The following CDIN1 variants were observed in gnomAD, a reference collection of about 807,000 sequenced individuals.
CDIN1 encodes the protein CDAN1 interacting nuclease 1, also known as CDAN1-interacting nuclease 1.
CDIN1 carries 33 observed loss-of-function variants against 45.3 expected under a neutral mutation model. The observed-to-expected ratio is 0.73, with a 90% confidence interval of 0.55 to 0.97. CDIN1 has a LOEUF of 0.97. Ranked by LOEUF, CDIN1 falls within the 50% of genes least tolerant of loss-of-function variation. CDIN1 has a pLI of 0.00. For synonymous variants in CDIN1, 118 were observed against 124.4 expected (o/e 0.95, Z 0.34); for missense variants, 303 against 339.4 (o/e 0.89, Z 0.84).
intron 5 of CDIN1, among the ~76,000 whole-genome samples, chr15:36,677,931 G>A (rs1409389459): frequency 2.6e-5 from 4 of 152,124 alleles, no homozygotes; most frequent in Non-Finnish European, 5.9e-5. Context: ...GGCATATAGC[G>A]GCTATAAGGC....
intron 1 of CDIN1, among the ~76,000 whole-genome samples, chr15:36,601,339 CCATTTTCTTTT>C (rs2038090505): frequency 6.6e-6 from 1 of 152,150 alleles, no homozygotes; most frequent in South Asian, 2.1e-4. Flanking sequence ...TTTCTATACC[CCATTTTCTTTT>C]CGTAGTCTTA....
chr15:36,765,809 A>C (rs1169343133), intron 10 of CDIN1, among the ~76,000 whole-genome samples: 1 of 152,200 alleles, frequency 6.6e-6, no homozygotes, highest in Non-Finnish European at 1.5e-5. Context: ...TCATGAAACC[A>C]TTGCTATAAT....
intron 10 of CDIN1, among the ~76,000 whole-genome samples, chr15:36,763,444 G>A (rs191452062): frequency 6.6e-6 from 1 of 152,186 alleles, no homozygotes; most frequent in East Asian, 1.9e-4. Flanking sequence ...GACTTTCTAG[G>A]ACAGCTGTGC....
chr15:36,800,646 A>AATT (rs1802856935), intron 10 of CDIN1, among the ~76,000 whole-genome samples: 1 of 151,788 alleles, frequency 6.6e-6, no homozygotes. Flanking sequence ...ATTTTAAAAC[A>AATT]ATTACAAGAT....
At chr15:36,601,456 T>C (rs1390111641) in intron 1 of CDIN1, among the ~76,000 whole-genome samples, 1 of 152,184 alleles carries the variant, frequency 6.6e-6, no homozygotes, top group Non-Finnish European at 1.5e-5. Context: ...GGCATGGATA[T>C]TTTTGCAAAA....
At chr15:36,680,601 T>C (rs1004628158) in intron 5 of CDIN1, among the ~76,000 whole-genome samples, 20 of 152,106 alleles carry the variant, frequency 1.3e-4, no homozygotes, top group African/African-American at 4.8e-4. Flanking sequence ...TAACTTCAGA[T>C]ATAGACACGA....
chr15:36,702,197 G>A lies in CDIN1; in HGVS notation c.544+4807G>A, dbSNP rs2042670682. ...CCATTTAAATTCTTGTCTATCCGAA[G>A]GTTAAAAATATGATGCTGTTTTTAG... On this transcript the variant is annotated intron_variant, in intron 8 of 10. Coordinates refer to ENST00000566621, the MANE Select transcript of CDIN1 (RefSeq NM_001321759.2). 15 of 696,700 alleles carry A rather than the reference G, an allele frequency of 2.2e-5. No individual in the cohort carries two copies. The South Asian group carries it at 2.3e-4, about 10-fold the overall frequency. The allele number at this position is 696,700 out of a possible 1,614,324, so 43.2% of individuals were successfully genotyped here.
In CDIN1 at chr15:36,659,966, CTTTTTTTT is replaced by C. The variant is rs778988517; in HGVS notation, c.346+2072_346+2079del. Among the ~76,000 whole-genome samples, 7 of 105,130 alleles carry C rather than the reference CTTTTTTTT, an allele frequency of 6.7e-5. No individual in the cohort carries two copies. The East Asian group carries it at 2.1e-3, about 31-fold the overall frequency. 69.0% of individuals were successfully genotyped at this position (105,130 alleles called of 152,430 possible). On this transcript the variant is annotated intron_variant, in intron 5 of 10. Coordinates refer to ENST00000566621, the MANE Select transcript of CDIN1 (RefSeq NM_001321759.2). ...TCATTCTCTCTTTTTCCTTCCTTTT[CTTTTTTTT>C]TTTTTTTTTTCTTAAAGAACTTTAA...
chr15:36,588,610 G>T (rs1451332006), intron 1 of CDIN1, among the ~76,000 whole-genome samples: 2 of 152,090 alleles, frequency 1.3e-5, no homozygotes, highest in Non-Finnish European at 2.9e-5. Context: ...ATTGGACTAG[G>T]TAGGAATGTC....
chr15:36,598,811 T>G (rs543884842), intron 1 of CDIN1, among the ~76,000 whole-genome samples: 15 of 152,254 alleles, frequency 9.9e-5, no homozygotes, highest in South Asian at 4.1e-4. Context: ...TAGTGAGTTT[T>G]TTTGTTTGTT....
intron 5 of CDIN1, among the ~76,000 whole-genome samples, chr15:36,662,597 T>C (rs1245588984): frequency 6.6e-6 from 1 of 152,178 alleles, no homozygotes; most frequent in Admixed American, 6.5e-5. Flanking sequence ...CTGATTAGAC[T>C]TTGAGTGGTC....
intron 5 of CDIN1, among the ~76,000 whole-genome samples, chr15:36,676,412 C>T (rs1336847450): frequency 1.3e-5 from 2 of 152,136 alleles, no homozygotes; most frequent in Non-Finnish European, 2.9e-5. Context: ...GTTGTATGGG[C>T]CTTTGCCAGC....
At chr15:36,711,692 G>A (rs10468086) in intron 10 of CDIN1, among the ~76,000 whole-genome samples, 6,258 of 152,150 alleles carry the variant, frequency 0.041, 457 homozygotes, top group African/African-American at 0.14. Flanking sequence ...TTCATTTAGG[G>A]CATGATGTGT....
At chr15:36,594,821 T>G in intron 1 of CDIN1, 1 of 923,122 alleles carries the variant, frequency 1.1e-6, no homozygotes, top group Non-Finnish European at 1.3e-6. Context: ...ACTTAAAATT[T>G]TTTTTTTTTA....
intron 8 of CDIN1, among the ~76,000 whole-genome samples, chr15:36,698,715 T>G (rs972976610): frequency 6.6e-6 from 1 of 152,170 alleles, no homozygotes; most frequent in Admixed American, 6.5e-5. Context: ...AGCCACCAAC[T>G]AAGCAGCATC....
intron 5 of CDIN1, among the ~76,000 whole-genome samples, chr15:36,686,562 TAAAAAAA>T (rs1259228473): frequency 1.1e-5 from 1 of 94,600 alleles, no homozygotes; most frequent in East Asian, 2.8e-4. Context: ...AGTATAATAA[TAAAAAAA>T]AAAAAAAAGA....
intron 1 of CDIN1, among the ~76,000 whole-genome samples, chr15:36,604,456 C>CACACACAT (rs1241807342): frequency 1.3e-5 from 2 of 151,208 alleles, no homozygotes; most frequent in Non-Finnish European, 3.0e-5. Flanking sequence ...CACACACACA[C>CACACACAT]ATTTTAGAGT....
chr15:36,715,591 C>A (rs143066156), intron 10 of CDIN1, among the ~76,000 whole-genome samples: 1 of 152,174 alleles, frequency 6.6e-6, no homozygotes. Context: ...CTCTTGCAAA[C>A]CTTTAATTAC....
At chr15:36,744,901 A>T (rs77649688) in intron 10 of CDIN1, among the ~76,000 whole-genome samples, 1 of 152,194 alleles carries the variant, frequency 6.6e-6, no homozygotes, top group Non-Finnish European at 1.5e-5. Flanking sequence ...GAATACTGCC[A>T]TGTCTAGCTT....
Sources: allele counts gnomAD v4.1 joint callset (sites outside exome capture counted in the v4.1 genomes callset), GRCh38; gene constraint gnomAD v4.1.1; transcripts MANE v1.5; gene names NCBI Gene and HGNC (gene_info 2026-07-23, HGNC 2026-07-21).